SYT1: variants seen among roughly 807,000 people sequenced by gnomAD.
SYT1 encodes synaptotagmin 1.
SYT1 carries 8 observed loss-of-function variants against 44.8 expected under a neutral mutation model. That is an observed-to-expected ratio of 0.18 (90% CI 0.10 to 0.32). The LOEUF is 0.32. Among genes scored for constraint, SYT1 ranks in the 10% least tolerant of loss-of-function variants. SYT1 has a pLI of 1.00. For missense variants in SYT1, 286 were observed against 509.3 expected (o/e 0.56, Z 4.22); for synonymous variants, 154 against 188.8 (o/e 0.82, Z 1.51).
At chr12:79,291,109 AAAG>A (rs1219398494) in intron 5 of SYT1, among the ~76,000 whole-genome samples, 1 of 152,232 alleles carries the variant, frequency 6.6e-6, no homozygotes, top group Non-Finnish European at 1.5e-5. Flanking sequence ...GATTTTTTAA[AAAG>A]AAGAGCATTT....
At chr12:79,147,128 C>T (rs557457712) in intron 3 of SYT1, among the ~76,000 whole-genome samples, 3 of 152,202 alleles carry the variant, frequency 2.0e-5, no homozygotes, top group South Asian at 2.1e-4. Flanking sequence ...TGTGAGCCAC[C>T]GTGCCCGGCC....
chr12:79,301,069 T>G (rs1179331783), intron 8 of SYT1, among the ~76,000 whole-genome samples: 3 of 152,018 alleles, frequency 2.0e-5, no homozygotes, highest in Non-Finnish European at 4.4e-5. Flanking sequence ...GATGTTTCAT[T>G]GACTTTTTTG....
chr12:79,314,787 A>G (rs1881001631), intron 8 of SYT1, among the ~76,000 whole-genome samples: 1 of 152,230 alleles, frequency 6.6e-6, no homozygotes. Flanking sequence ...AGCATTTTTC[A>G]TAACAGCCAA....
intron 3 of SYT1, among the ~76,000 whole-genome samples, chr12:79,150,191 C>T (rs374744367): frequency 2.6e-5 from 4 of 151,952 alleles, no homozygotes; most frequent in East Asian, 1.9e-4. Context: ...AATTTTGAAC[C>T]GTACATTATT....
chr12:79,440,165 C>G (rs1870328060), intron 9 of SYT1, among the ~76,000 whole-genome samples: 1 of 152,058 alleles, frequency 6.6e-6, no homozygotes, highest in Admixed American at 6.5e-5. Flanking sequence ...TTGCAGTGAG[C>G]CAAGACTGTG....
At chr12:79,365,505 T>C (rs568956191) in intron 9 of SYT1, among the ~76,000 whole-genome samples, 157 of 152,150 alleles carry the variant, frequency 1.0e-3, no homozygotes, top group South Asian at 2.9e-3. Context: ...CATAAATGAA[T>C]TTGAAAGATG....
chr12:79,082,838 A>AG (rs1877126036), intron 3 of SYT1, among the ~76,000 whole-genome samples: 2 of 152,170 alleles, frequency 1.3e-5, no homozygotes, highest in Non-Finnish European at 2.9e-5. Context: ...GCCTGGCCTG[A>AG]GGGGTATATG....
intron 9 of SYT1, chr12:79,392,114 A>G (rs1283860763): frequency 6.6e-6 from 1 of 152,196 alleles, no homozygotes; most frequent in Non-Finnish European, 1.5e-5. Context: ...AAGAGTTTAG[A>G]TATGGTTTTG....
intron 1 of SYT1, among the ~76,000 whole-genome samples, chr12:78,909,396 G>A (rs981224220): frequency 2.0e-5 from 3 of 150,944 alleles, no homozygotes; most frequent in African/African-American, 7.3e-5. Context: ...AATTGTTTTC[G>A]GTATTTATAA....
intron 3 of SYT1, among the ~76,000 whole-genome samples, chr12:79,167,968 A>T (rs961026910): frequency 1.3e-5 from 2 of 152,034 alleles, no homozygotes; most frequent in Admixed American, 1.3e-4. Flanking sequence ...TCACAATCCT[A>T]TGAGAATCTA....
chr12:79,366,894 CTGTGTGTGTGTGTGTGTGTGTGTGTG>C (rs3995413), intron 9 of SYT1, among the ~76,000 whole-genome samples: 17 of 117,424 alleles, frequency 1.4e-4, no homozygotes, highest in African/African-American at 4.4e-4. Flanking sequence ...ATAAATAATA[CTGTGTGTGTGTGTGTGTGTGTGTGTG>C]TGTGTGTGTG....
chr12:78,959,055 A>C (rs1879365579), intron 1 of SYT1, among the ~76,000 whole-genome samples: 1 of 152,180 alleles, frequency 6.6e-6, no homozygotes. Flanking sequence ...AAACTGCAGC[A>C]TAAGGGAAGC....
chr12:79,333,220 G>A (rs970536614), intron 8 of SYT1, among the ~76,000 whole-genome samples: 4 of 152,102 alleles, frequency 2.6e-5, no homozygotes, highest in Non-Finnish European at 2.9e-5. Flanking sequence ...TGAGATGAAG[G>A]TGCCAGCAAA....
intron 3 of SYT1, among the ~76,000 whole-genome samples, chr12:79,145,636 A>G (rs912279467): frequency 3.3e-5 from 5 of 152,244 alleles, no homozygotes; most frequent in African/African-American, 1.2e-4. Context: ...GCAAATGTGT[A>G]AATTGTGGCA....
chr12:79,427,790 G>A (rs1303233301), intron 9 of SYT1, among the ~76,000 whole-genome samples: 3 of 152,156 alleles, frequency 2.0e-5, no homozygotes, highest in African/African-American at 7.2e-5. Context: ...CTGGAGTGGA[G>A]GCAGCAAGTG....
intron 2 of SYT1, among the ~76,000 whole-genome samples, chr12:78,997,663 CCTTTTTTTTTTTT>C (rs1870468236): frequency 6.7e-6 from 1 of 148,930 alleles, no homozygotes; most frequent in African/African-American, 2.5e-5. Context: ...CTTTCTCTTT[CCTTTTTTTTTTTT>C]CTTTTTTTGA....
At chr12:79,283,585 T>C (rs1455558707) in intron 4 of SYT1, among the ~76,000 whole-genome samples, 1 of 152,180 alleles carries the variant, frequency 6.6e-6, no homozygotes, top group Non-Finnish European at 1.5e-5. Flanking sequence ...AAATGAAGGG[T>C]CATTATGAAT....
rs776513464 is a variant in SYT1, at chr12:79,217,550, G to A, written c.31G>A (p.Ala11Thr). 10 of 1,603,810 alleles carry A rather than the reference G, an allele frequency of 6.2e-6. No homozygotes were observed. The highest frequency in any genetic ancestry group is 3.4e-5 in the Admixed American group (2 of 58,718). ...GAGCGAGAGTCACCATGAGGCCCTG[G>A]CAGCCCCGCCTGTCACCACTGTCGC... MVSESHHEAL[A>T]APPVTTVATV... is the part of the protein sequence containing the mutation. Residue 11 changes from alanine (A) to threonine (T), a missense_variant, in exon 4 of 11, where the codon GCA (alanine) becomes ACA (threonine). By Grantham distance (58) the Ala-to-Thr change is moderately conservative. This residue lies in a region of SYT1 where 141 missense variants were observed against 165.7 expected (regional missense o/e 0.85). Transcript: ENST00000261205.
chr12:79,089,768 TTA>T (rs1877644113), intron 3 of SYT1, among the ~76,000 whole-genome samples: 1 of 152,090 alleles, frequency 6.6e-6, no homozygotes, highest in Non-Finnish European at 1.5e-5. Flanking sequence ...CAATGTTTCT[TTA>T]TCTCTTGCGT....
Sources: gnomAD v4.1 joint callset for allele counts (sites outside exome capture counted in the v4.1 genomes callset) on GRCh38, gnomAD v4.1.1 for gene constraint, gnomAD v4.1.1 regional missense constraint, MANE v1.5 for transcripts, NCBI Gene and HGNC (gene_info 2026-07-23, HGNC 2026-07-21) for gene names.